Variants in CASK observed in about 807,000 individuals in gnomAD.
CASK encodes the protein peripheral plasma membrane protein CASK.
A neutral mutation model predicts 82.9 loss-of-function variants in CASK; 4 were observed. That is an observed-to-expected ratio of 0.05 (90% confidence interval 0.02 to 0.11). CASK has a LOEUF of 0.11. Among genes scored for constraint, CASK ranks in the 10% least tolerant of loss-of-function variants. The pLI is 1.00. For synonymous variants in CASK, 259 were observed against 253.5 expected (o/e 1.02, Z -0.20); for missense variants, 358 against 720.9 (o/e 0.50, Z 5.76).
chrX:41,690,814 T>C (rs2067540398), intron 5 of CASK, among the ~76,000 whole-genome samples: 1 of 107,978 alleles, frequency 9.3e-6, no homozygotes, highest in Non-Finnish European at 1.9e-5. Flanking sequence ...GCTGGGACTA[T>C]AGGCGCACGT....
intron 1 of CASK, among the ~76,000 whole-genome samples, chrX:41,921,413 A>C (rs998279300): frequency 1.8e-5 from 2 of 112,129 alleles, no homozygotes; most frequent in African/African-American, 6.5e-5. Flanking sequence ...TGAAATGTTA[A>C]GTTTGGATCT....
chrX:41,695,738 A>C, intron 5 of CASK: 1 of 1,209,862 alleles, frequency 8.3e-7, no homozygotes, highest in Non-Finnish European at 1.1e-6. Context: ...AACCGCCACA[A>C]AACTTCTCAG....
chrX:41,763,839 C>T (rs1310075823), intron 3 of CASK, among the ~76,000 whole-genome samples: 1 of 111,628 alleles, frequency 9.0e-6, no homozygotes, highest in Non-Finnish European at 1.9e-5. Flanking sequence ...GTAATTGTTT[C>T]CATGTGTAGC....
intron 17 of CASK, 101 bp downstream of exon 17, chrX:41,561,458 A>C (rs1428234291): frequency 3.4e-6 from 2 of 585,588 alleles, no homozygotes; most frequent in Non-Finnish European, 5.7e-6. Context: ...TGGTACCAGA[A>C]ATTCTCTGAT....
At chrX:41,676,054 T>C in intron 5 of CASK, 1 of 1,203,398 alleles carries the variant, frequency 8.3e-7, no homozygotes. Context: ...CTTGGTATGC[T>C]TGTTGTGACT....
At chrX:41,805,588 TAC>T (rs769223001) in intron 2 of CASK, among the ~76,000 whole-genome samples, 1 of 111,450 alleles carries the variant, frequency 9.0e-6, no homozygotes, top group South Asian at 3.8e-4. Flanking sequence ...ACTAAAGCCA[TAC>T]ATAGTGTCAG....
chrX:41,814,830 C>A (rs901506877), intron 2 of CASK, among the ~76,000 whole-genome samples: 4 of 111,810 alleles, frequency 3.6e-5, no homozygotes, highest in African/African-American at 9.8e-5. Context: ...ACTTTCTTTA[C>A]CCACTGAACT....
Position 41,609,960 on chromosome X carries a change from C to T in CASK, c.1099G>A (p.Asp367Asn). ...IHALTDCSEKDLDFLHSVFQD... is the reference protein window; with the variant it reads ...IHALTDCSEKNLDFLHSVFQD... ...AAAACACTGTGTAGAAAATCTAGGT[C>T]CTTTTCACTGCAGTCTGTAAGCGCA... The change falls in exon 12 of 27, where the codon GAC becomes AAC. Residue 367 changes from aspartate to asparagine, a missense_variant. Physicochemically the swap from Asp to Asn is conservative, Grantham distance 23. Transcript: ENST00000378163. 1 of 1,207,169 alleles carries T rather than the reference C, an allele frequency of 8.3e-7. No homozygotes were observed. Among genetic ancestry groups the T allele is most frequent in the Non-Finnish European group, 1.1e-6 (1 of 891,269 alleles).
rs930576778 is a variant in CASK at position 41,519,444 on chromosome X, C to G, written c.*976G>C. The G allele has an allele frequency of 2.7e-5, 3 of 111,649 alleles. No homozygotes were observed. Among genetic ancestry groups the G allele is most frequent in the African/African-American group, 9.8e-5 (3 of 30,727 alleles). 9.2% of individuals were successfully genotyped at this position (111,649 alleles called of 1,213,427 possible). ...TCTTTGCTTAATTAAAACGTTAATA[C>G]TCTTAGACAACACAGATCTGAAATG... On this transcript the variant is annotated 3_prime_UTR_variant, in exon 27 of 27. Coordinates refer to ENST00000378163, the MANE Select transcript of CASK (RefSeq NM_001367721.1).
chrX:41,822,570 A>G (rs2070571334), intron 2 of CASK, among the ~76,000 whole-genome samples: 1 of 108,213 alleles, frequency 9.2e-6, no homozygotes. Flanking sequence ...AAAAAAAAAA[A>G]AAAAAAAAAA....
chrX:41,901,244 G>T (rs748794341), intron 1 of CASK, among the ~76,000 whole-genome samples: 6 of 111,620 alleles, frequency 5.4e-5, no homozygotes, highest in Non-Finnish European at 9.4e-5. Context: ...GCACTTCAGA[G>T]GCCAAGGCGG....
At chrX:41,630,611 T>C (rs2066449502) in intron 9 of CASK, among the ~76,000 whole-genome samples, 1 of 112,007 alleles carries the variant, frequency 8.9e-6, no homozygotes, top group African/African-American at 3.2e-5. Context: ...AAGTATCAGA[T>C]ATAGAATAAT....
chrX:41,642,492 G>A (rs2147391226), intron 8 of CASK, among the ~76,000 whole-genome samples: 1 of 112,166 alleles, frequency 8.9e-6, no homozygotes, highest in African/African-American at 3.2e-5. Context: ...TTCTCTGATG[G>A]CCAGTGATGA....
chrX:41,616,910 C>T (rs2066210073), intron 11 of CASK, among the ~76,000 whole-genome samples: 1 of 112,389 alleles, frequency 8.9e-6, no homozygotes, highest in African/African-American at 3.2e-5. Context: ...CGCCTGGCCC[C>T]AAAATCTTTA....
At chrX:41,696,954 G>C (rs2067701614) in intron 5 of CASK, 1 of 339,095 alleles carries the variant, frequency 2.9e-6, no homozygotes, top group Admixed American at 5.3e-5. Context: ...TTTTAAATCT[G>C]TATGTAAAAT....
chrX:41,848,144 C>T (rs1183527792), intron 2 of CASK, among the ~76,000 whole-genome samples: 1 of 112,542 alleles, frequency 8.9e-6, no homozygotes, highest in East Asian at 2.8e-4. Flanking sequence ...AATTAAACAA[C>T]TACCTCTAAA....
intron 5 of CASK, among the ~76,000 whole-genome samples, chrX:41,687,787 T>C (rs2067467856): frequency 9.2e-6 from 1 of 109,046 alleles, no homozygotes; most frequent in South Asian, 4.1e-4. Flanking sequence ...GGCAAAACCC[T>C]GTCTCTATTA....
intron 2 of CASK, among the ~76,000 whole-genome samples, chrX:41,815,679 G>C (rs2070397506): frequency 9.0e-6 from 1 of 110,928 alleles, no homozygotes; most frequent in Non-Finnish European, 1.9e-5. Flanking sequence ...CCCTTCAAAG[G>C]AGAGAAGAGA....
At chrX:41,909,389 T>C (rs1193553029) in intron 1 of CASK, among the ~76,000 whole-genome samples, 3 of 112,305 alleles carry the variant, frequency 2.7e-5, no homozygotes, top group Non-Finnish European at 5.6e-5. Flanking sequence ...AACAAAATAC[T>C]CAGAAGTCTT....
Sources: allele counts gnomAD v4.1 joint callset (sites outside exome capture counted in the v4.1 genomes callset), GRCh38; gene constraint gnomAD v4.1.1; transcripts MANE v1.5; gene names NCBI Gene and HGNC (gene_info 2026-07-23, HGNC 2026-07-21).